Variants in MFSD8 observed in about 807,000 individuals in gnomAD.
MFSD8 encodes the protein major facilitator superfamily domain containing 8, also known as major facilitator superfamily domain-containing protein 8.
A neutral mutation model predicts 66.4 loss-of-function variants in MFSD8; 55 were observed. That is an observed-to-expected ratio of 0.83 (90% confidence interval 0.67 to 1.04). MFSD8 has a LOEUF of 1.04. Among genes scored for constraint, MFSD8 ranks in the 50% least tolerant of loss-of-function variants. MFSD8 has a pLI of 0.00. For missense variants in MFSD8, 550 were observed against 627.6 expected (o/e 0.88, Z 1.32); for synonymous variants, 202 against 212.8 (o/e 0.95, Z 0.44).
intron 2 of MFSD8, among the ~76,000 whole-genome samples, chr4:127,956,442 G>A (rs1485445902): frequency 1.3e-5 from 2 of 150,980 alleles, no homozygotes; most frequent in African/African-American, 4.9e-5. Flanking sequence ...GGAGCTTGCA[G>A]TGAGCCGAGA....
chr4:127,930,818 C>T lies in MFSD8; in HGVS notation c.864-1G>A, dbSNP rs571950296. On this transcript the variant is annotated splice_acceptor_variant, in intron 8 of 11. Coordinates refer to ENST00000641686, the MANE Select transcript of MFSD8 (RefSeq NM_001371596.2). LOFTEE classifies it high-confidence loss of function. ...ATCCATTGTTAATGGAGTAATGATG[C>T]TAAGAAAAAAAAAATTATTCTTATT... The T allele has an allele frequency of 1.1e-5, 17 of 1,598,516 alleles. No homozygotes were observed. Among genetic ancestry groups the T allele is most frequent in the Admixed American group, 1.7e-5 (1 of 57,888 alleles).
chr4:127,957,908 G>C (rs759375765), intron 1 of MFSD8, among the ~76,000 whole-genome samples: 115 of 152,114 alleles, frequency 7.6e-4, no homozygotes, highest in Non-Finnish European at 1.5e-3. Flanking sequence ...TTGTAAAAAT[G>C]AATAAATTAC....
At chr4:127,963,824 C>G (rs1744328394) in intron 1 of MFSD8, among the ~76,000 whole-genome samples, 1 of 152,228 alleles carries the variant, frequency 6.6e-6, no homozygotes, top group Non-Finnish European at 1.5e-5. Context: ...ATTCTCTTAT[C>G]TGGCCCCACC....
chr4:127,947,291 G>A (rs990817252), intron 3 of MFSD8, among the ~76,000 whole-genome samples: 3 of 152,086 alleles, frequency 2.0e-5, no homozygotes, highest in African/African-American at 7.2e-5. Flanking sequence ...TTGGAAGGCT[G>A]AGGCATGTGA....
rs774144170 is a variant in MFSD8 at position 127,919,835 on chromosome 4, G to GTATA, written c.*791_*794dup. ...ATTTTAAGAAACCATTTACTGTTTT[G>GTATA]TATATATATATATAAAATAACACAT... On this transcript the variant is annotated 3_prime_UTR_variant, in exon 12 of 12. Transcript: ENST00000641686. The GTATA allele has an allele frequency of 2.6e-5, 4 of 151,256 alleles. No individual in the cohort carries two copies. Among genetic ancestry groups the GTATA allele is most frequent in the African/African-American group, 9.7e-5 (4 of 41,168 alleles). 9.4% of individuals were successfully genotyped at this position (151,256 alleles called of 1,614,324 possible).
chr4:127,960,586 C>T (rs1341006569), intron 1 of MFSD8, among the ~76,000 whole-genome samples: 1 of 152,040 alleles, frequency 6.6e-6, no homozygotes, highest in Admixed American at 6.6e-5. Flanking sequence ...AGTGACAGAA[C>T]AGTGTAGTGG....
At chr4:127,950,156 GA>G (rs1741705014) in intron 2 of MFSD8, among the ~76,000 whole-genome samples, 1 of 152,178 alleles carries the variant, frequency 6.6e-6, no homozygotes, top group African/African-American at 2.4e-5. Context: ...TAGCAGAAAT[GA>G]ATGGAGGAAA....
Position 127,920,448 on chromosome 4 carries a change from A to G in MFSD8, c.*182T>C. On this transcript the variant is annotated 3_prime_UTR_variant, in exon 12 of 12. Transcript: ENST00000641686. ...AAATTATCATCTAGTATGTTTTTAT[A>G]TAACCTACTATTCACAATGACATGT... The G allele has an allele frequency of 1.5e-6, 1 of 649,764 alleles. No individual in the cohort carries two copies. The highest frequency in any genetic ancestry group is 2.8e-6 in the Non-Finnish European group (1 of 363,236). The allele number at this position is 649,764 out of a possible 1,614,324, so 40.2% of individuals were successfully genotyped here.
chr4:127,952,637 C>T (rs186668446), intron 2 of MFSD8, among the ~76,000 whole-genome samples: 10 of 151,996 alleles, frequency 6.6e-5, no homozygotes, highest in African/African-American at 1.7e-4. Context: ...TGGGAGACTG[C>T]GGCAGGCAGA....
intron 8 of MFSD8, 30 bp downstream of exon 8, chr4:127,932,955 T>C (rs375538809): frequency 2.6e-6 from 4 of 1,536,432 alleles, no homozygotes; most frequent in East Asian, 2.3e-5. Context: ...AAACATAATC[T>C]GATTCAGATG....
intron 9 of MFSD8, 159 bp downstream of exon 9, chr4:127,930,524 C>A: frequency 2.6e-6 from 2 of 777,110 alleles, no homozygotes; most frequent in South Asian, 1.9e-5. Flanking sequence ...CAAAGAAATG[C>A]TGTAATGTAT....
Position 127,942,275 on chromosome 4 carries a change from T to C in MFSD8, c.440-117A>G, listed in dbSNP as rs1426728497. The C allele has an allele frequency of 9.4e-6, 7 of 746,396 alleles. 1 individual carries two copies. Among genetic ancestry groups the C allele is most frequent in the Middle Eastern group, 2.5e-4 (1 of 3,966 alleles). The allele number at this position is 746,396 out of a possible 1,614,324, so 46.2% of individuals were successfully genotyped here. On this transcript the variant is annotated intron_variant, in intron 4 of 11. Transcript: ENST00000641686. ...TCTTGGTCAACAGTACAGTCACTGC[T>C]TCCTCTTTATGATCACACAAAGCAT...
chr4:127,937,904 A>T (rs1375585754), intron 7 of MFSD8, among the ~76,000 whole-genome samples: 1 of 152,218 alleles, frequency 6.6e-6, no homozygotes, highest in Non-Finnish European at 1.5e-5. Context: ...AACTTTATGA[A>T]CTACTGAGGG....
intron 1 of MFSD8, among the ~76,000 whole-genome samples, chr4:127,959,924 C>A (rs1743471734): frequency 6.6e-6 from 1 of 152,128 alleles, no homozygotes; most frequent in Non-Finnish European, 1.5e-5. Context: ...ACAAATATGT[C>A]ACATATCTGA....
intron 6 of MFSD8, 143 bp downstream of exon 6, chr4:127,939,710 G>A: frequency 1.4e-6 from 1 of 703,496 alleles, no homozygotes; most frequent in Non-Finnish European, 2.2e-6. Context: ...ACATGCTTTA[G>A]TACTACCTGA....
chr4:127,924,249 G>A (rs532756336), intron 9 of MFSD8, among the ~76,000 whole-genome samples: 36 of 152,176 alleles, frequency 2.4e-4, no homozygotes, highest in Admixed American at 2.0e-3. Flanking sequence ...GAATTTATCC[G>A]TGTCTTCTAG....
At chr4:127,961,565 A>G (rs1743742408) in intron 1 of MFSD8, among the ~76,000 whole-genome samples, 1 of 152,166 alleles carries the variant, frequency 6.6e-6, no homozygotes, top group Admixed American at 6.5e-5. Flanking sequence ...CTGTAATCCC[A>G]GCACTTTGGG....
intron 7 of MFSD8, chr4:127,934,596 G>C (rs1374461292): frequency 7.1e-6 from 1 of 140,602 alleles, no homozygotes; most frequent in Non-Finnish European, 1.5e-5. Flanking sequence ...TTTTTTGGCG[G>C]GGGGGACGGA....
At chr4:127,952,601 G>A (rs1742174923) in intron 2 of MFSD8, among the ~76,000 whole-genome samples, 2 of 152,094 alleles carry the variant, frequency 1.3e-5, no homozygotes, top group African/African-American at 4.8e-5. Flanking sequence ...CAGGCACAGT[G>A]GATGATGCCT....
Sources: allele counts gnomAD v4.1 joint callset (sites outside exome capture counted in the v4.1 genomes callset), GRCh38; gene constraint gnomAD v4.1.1; transcripts MANE v1.5; gene names NCBI Gene and HGNC (gene_info 2026-07-23, HGNC 2026-07-21).